The following PDE5A variants were observed in gnomAD, a reference collection of about 807,000 sequenced individuals.
The protein encoded by PDE5A is phosphodiesterase 5A.
PDE5A carries 67 observed loss-of-function variants against 110.2 expected under a neutral mutation model. The ratio of observed to expected loss-of-function variants is 0.61; its 90% CI spans 0.50 to 0.75. The LOEUF (loss-of-function observed/expected upper bound fraction) is 0.75, where lower values mean the gene tolerates loss of function less well. Among genes scored for constraint, PDE5A ranks in the 30% least tolerant of loss-of-function variants. The pLI, the probability that PDE5A is intolerant of heterozygous loss-of-function variation, is 0.00. For synonymous variants in PDE5A, 328 were observed against 351.2 expected, an observed-to-expected ratio of 0.93 and a Z score of 0.74; for missense variants, 862 against 1,045.1, an observed-to-expected ratio of 0.82 and a Z score of 2.42.
chr4:119,583,732 G>A (rs961316519), intron 3 of PDE5A, among the ~76,000 whole-genome samples: 8 of 152,160 alleles, frequency 5.3e-5, no homozygotes, highest in African/African-American at 1.9e-4. Flanking sequence ...GAGAGAGACA[G>A]GGGAACATGA....
At chr4:119,565,760 A>G (rs1427524115) in intron 4 of PDE5A, among the ~76,000 whole-genome samples, 1 of 151,918 alleles carries the variant, frequency 6.6e-6, no homozygotes, top group African/African-American at 2.4e-5. Context: ...ATAGCTTGTA[A>G]CTCATTACTG....
chr4:119,596,533 T>C lies in PDE5A; in HGVS notation c.821A>G (p.His274Arg). The C allele has an allele frequency of 1.3e-6, 2 of 1,582,772 alleles. No individual in the cohort carries two copies. The highest frequency in any genetic ancestry group is 2.3e-5 in the East Asian group (1 of 44,088). ...QSILCMPIKN[H>R]REEVVGVAQA... is the part of the protein sequence containing the mutation. Reference sequence around the variant, plus strand: ...GGAAAATTGGCTTACCTCTTCCCTATGATTCTTAATTGGCATACAAAGAAT... The same window carrying C: ...GGAAAATTGGCTTACCTCTTCCCTACGATTCTTAATTGGCATACAAAGAAT... The change falls in exon 3 of 21, where the codon CAT becomes CGT. Residue 274 changes from histidine to arginine, a missense_variant. His to Arg is a conservative substitution (Grantham distance 29). Coordinates refer to ENST00000354960, the MANE Select transcript of PDE5A (RefSeq NM_001083.4).
At chr4:119,577,417 C>T (rs1728398409) in intron 3 of PDE5A, among the ~76,000 whole-genome samples, 1 of 152,198 alleles carries the variant, frequency 6.6e-6, no homozygotes, top group Admixed American at 6.5e-5. Context: ...CCTTGATGAA[C>T]ATTGATGCAA....
chr4:119,606,668 C>A (rs1423487458), intron 2 of PDE5A, 41 bp downstream of exon 2: 1 of 1,463,322 alleles, frequency 6.8e-7, no homozygotes, highest in South Asian at 1.2e-5. Context: ...GCCATAGTCC[C>A]CTCCCCAGCA....
chr4:119,552,839 AT>A (rs1261063870), intron 8 of PDE5A, among the ~76,000 whole-genome samples: 3 of 152,212 alleles, frequency 2.0e-5, no homozygotes, highest in African/African-American at 7.2e-5. Context: ...TTTGTTAAAA[AT>A]ATCGGAATTT....
chr4:119,611,038 C>T lies in PDE5A; in HGVS notation c.153-3741G>A, dbSNP rs530635997. Among the ~76,000 whole-genome samples, 5 of 152,298 alleles carry T rather than the reference C, an allele frequency of 3.3e-5. No individual in the cohort carries two copies. The South Asian group carries it at 1.0e-3, about 32-fold the overall frequency. ...TACAAATAGGTTCCTCTCGCCCATG[C>T]CAGCATCCTTGGCGCTCCTGAAGCA... On this transcript the variant is annotated intron_variant, in intron 1 of 20. Transcript: ENST00000354960.
chr4:119,615,592 T>TG (rs1729908826), intron 1 of PDE5A, among the ~76,000 whole-genome samples: 2 of 148,532 alleles, frequency 1.3e-5, no homozygotes, highest in African/African-American at 2.5e-5. Context: ...AGAATGGCAT[T>TG]CTTGACAGAC....
At chr4:119,515,959 C>A (rs1215876119) in intron 14 of PDE5A, among the ~76,000 whole-genome samples, 4 of 152,170 alleles carry the variant, frequency 2.6e-5, no homozygotes, top group Non-Finnish European at 5.9e-5. Context: ...AATTTTATAA[C>A]CCTGCATCAA....
intron 3 of PDE5A, among the ~76,000 whole-genome samples, chr4:119,576,660 C>T (rs1352310745): frequency 6.6e-6 from 1 of 151,996 alleles, no homozygotes; most frequent in East Asian, 1.9e-4. Context: ...ACACAACATA[C>T]CAGAATCTCT....
At chr4:119,548,869 G>GA (rs1456118297) in intron 9 of PDE5A, 3 of 151,898 alleles carry the variant, frequency 2.0e-5, no homozygotes, top group African/African-American at 7.3e-5. Flanking sequence ...CTCTAACTGG[G>GA]AAAAAACCTG....
intron 15 of PDE5A, among the ~76,000 whole-genome samples, chr4:119,508,859 A>G (rs1214418340): frequency 6.6e-6 from 1 of 152,022 alleles, no homozygotes; most frequent in Non-Finnish European, 1.5e-5. Context: ...GAATATATAG[A>G]TAGGTCTTAT....
chr4:119,602,791 G>A (rs531155680), intron 2 of PDE5A, among the ~76,000 whole-genome samples: 5 of 152,326 alleles, frequency 3.3e-5, no homozygotes, highest in Admixed American at 6.5e-5. Flanking sequence ...AAAAATGAAA[G>A]GGAAAGATGA....
At chr4:119,603,177 TAA>T (rs752006706) in intron 2 of PDE5A, among the ~76,000 whole-genome samples, 5 of 152,180 alleles carry the variant, frequency 3.3e-5, no homozygotes, top group Admixed American at 6.5e-5. Flanking sequence ...CTTCTTAGTA[TAA>T]GTGTTAATAT....
chr4:119,502,921 C>T (rs1464732983), intron 18 of PDE5A, among the ~76,000 whole-genome samples: 1 of 151,894 alleles, frequency 6.6e-6, no homozygotes, highest in South Asian at 2.1e-4. Flanking sequence ...ATGTTTTCTT[C>T]ATTTATTTTC....
chr4:119,533,365 A>G (rs1317543356), intron 11 of PDE5A, among the ~76,000 whole-genome samples: 1 of 152,146 alleles, frequency 6.6e-6, no homozygotes, highest in Non-Finnish European at 1.5e-5. Flanking sequence ...CAGCTGCCAC[A>G]TTACACCTTA....
At chr4:119,625,838 G>C (rs1730328266) in intron 1 of PDE5A, among the ~76,000 whole-genome samples, 1 of 152,058 alleles carries the variant, frequency 6.6e-6, no homozygotes, top group Non-Finnish European at 1.5e-5. Context: ...ATCAACAAAT[G>C]TCCATCCTCT....
chr4:119,614,591 T>C (rs1018971949), intron 1 of PDE5A, among the ~76,000 whole-genome samples: 4 of 152,170 alleles, frequency 2.6e-5, no homozygotes, highest in Non-Finnish European at 4.4e-5. Context: ...TGTATGATAA[T>C]TGAACCTTTT....
At position 119,505,846 on chromosome 4, in the gene PDE5A, C is replaced by A; in HGVS notation, c.2267+9G>T. On this transcript the variant is annotated intron_variant, in intron 17 of 20. Coordinates refer to ENST00000354960, the MANE Select transcript of PDE5A (RefSeq NM_001083.4). ...AAACTTCAGCTTTAAAGATAGTAAA[C>A]CTACTTACAAAAACAACTCCTTTTG... is the stretch of plus-strand genomic sequence containing the variant. The A allele has an allele frequency of 1.3e-6, 2 of 1,494,494 alleles. No homozygotes were observed. Among genetic ancestry groups the A allele is most frequent in the Non-Finnish European group, 1.8e-6 (2 of 1,093,860 alleles). The allele number at this position is 1,494,494 out of a possible 1,614,324, so 92.6% of individuals were successfully genotyped here.
At chr4:119,553,528 T>C in intron 8 of PDE5A, 110 bp downstream of exon 8, 1 of 725,228 alleles carries the variant, frequency 1.4e-6, no homozygotes, top group Non-Finnish European at 2.5e-6. Context: ...GCACAGATCA[T>C]TCCTAAACAG....
Sources: allele counts gnomAD v4.1 joint callset (sites outside exome capture counted in the v4.1 genomes callset), GRCh38; gene constraint gnomAD v4.1.1; transcripts MANE v1.5; gene names NCBI Gene and HGNC (gene_info 2026-07-23, HGNC 2026-07-21).